Variants in AEBP2 observed in about 807,000 individuals in gnomAD.
The protein encoded by AEBP2 is zinc finger protein AEBP2.
AEBP2 carries 10 observed loss-of-function variants against 50.8 expected under a neutral mutation model. The observed-to-expected ratio is 0.20, with a 90% CI of 0.12 to 0.33. The LOEUF (loss-of-function observed/expected upper bound fraction) is 0.33, where lower values mean the gene tolerates loss of function less well. AEBP2 is among the 10% of genes least tolerant of loss of function. The pLI, the probability that AEBP2 is intolerant of heterozygous loss-of-function variation, is 1.00. For synonymous variants in AEBP2, 296 were observed against 261.3 expected (o/e 1.13, Z -1.28); for missense variants, 570 against 688.0 (o/e 0.83, Z 1.92).
chr12:19,428,587 G>A (rs369557140), intron 1 of AEBP2, among the ~76,000 whole-genome samples: 11 of 152,294 alleles, frequency 7.2e-5, no homozygotes, highest in African/African-American at 2.6e-4. Flanking sequence ...TGAGGTGGGC[G>A]GATCACCTGA....
chr12:19,492,753 G>A (rs1003396257), intron 3 of AEBP2, among the ~76,000 whole-genome samples: 3 of 152,136 alleles, frequency 2.0e-5, no homozygotes, highest in Admixed American at 2.0e-4. Context: ...GATGGTTTGA[G>A]CCCAGGAGTT....
intron 1 of AEBP2, among the ~76,000 whole-genome samples, chr12:19,421,539 T>C (rs1032360051): frequency 6.6e-6 from 1 of 151,690 alleles, no homozygotes; most frequent in Non-Finnish European, 1.5e-5. Flanking sequence ...GGAGAGTCAT[T>C]TGAGCCCAGG....
chr12:19,495,184 T>C (rs1333744540), intron 4 of AEBP2, among the ~76,000 whole-genome samples: 1 of 152,232 alleles, frequency 6.6e-6, no homozygotes, highest in African/African-American at 2.4e-5. Flanking sequence ...ATTACAGGCA[T>C]GAGCCACTGT....
At chr12:19,506,341 C>G (rs1949155980) in intron 5 of AEBP2, among the ~76,000 whole-genome samples, 1 of 151,880 alleles carries the variant, frequency 6.6e-6, no homozygotes, top group Admixed American at 6.6e-5. Flanking sequence ...CTGTAGTGAT[C>G]CACTCACCTT....
intron 1 of AEBP2, among the ~76,000 whole-genome samples, chr12:19,415,860 C>T (rs1312993027): frequency 6.6e-6 from 1 of 152,008 alleles, no homozygotes; most frequent in African/African-American, 2.4e-5. Flanking sequence ...GGATGCCTGA[C>T]CCAACTGATA....
In AEBP2 at chr12:19,439,953, C is replaced by T. The variant is rs1947916749; in HGVS notation, c.254C>T (p.Pro85Leu). The change falls in exon 1 of 8, where the codon CCG becomes CTG. Residue 85 changes from proline (P) to leucine (L), a missense_variant. This residue lies in a region of AEBP2 where 386 missense variants were observed against 336.8 expected (regional missense o/e 1.15). Coordinates refer to ENST00000266508, the MANE Select transcript of AEBP2 (RefSeq NM_153207.5). ...GGCGAGGCAGAGACGATGTCGGAGC[C>T]GAGCCCCGAGAGCGCCAGCCAGGCC... ...GGGEAETMSE[P>L]SPESASQAGE... 2.8e-5 allele frequency: 42 copies of T among 1,514,944 alleles called. No homozygotes were observed. The highest frequency in any genetic ancestry group is 3.6e-5 in the Non-Finnish European group (41 of 1,138,880). The allele number at this position is 1,514,944 out of a possible 1,614,324, so 93.8% of individuals were successfully genotyped here. A position where few individuals can be genotyped will look rare whatever the true frequency, so the allele number is the denominator to read the frequency against.
At chr12:19,464,644 T>C (rs1298520043) in intron 2 of AEBP2, among the ~76,000 whole-genome samples, 1 of 151,936 alleles carries the variant, frequency 6.6e-6, no homozygotes, top group Admixed American at 6.6e-5. Context: ...TGGAGGGTAA[T>C]GGTGCGGTCT....
At chr12:19,478,083 T>G (rs1192669882) in intron 3 of AEBP2, among the ~76,000 whole-genome samples, 2 of 152,236 alleles carry the variant, frequency 1.3e-5, no homozygotes, top group African/African-American at 4.8e-5. Flanking sequence ...CTTCTTTTCT[T>G]GGTTAGTTTC....
chr12:19,499,555 A>C (rs914277693), intron 4 of AEBP2, among the ~76,000 whole-genome samples: 1 of 150,418 alleles, frequency 6.6e-6, no homozygotes, highest in Non-Finnish European at 1.5e-5. Flanking sequence ...CAGAGGTTGC[A>C]GTGAGCTGAG....
intron 3 of AEBP2, among the ~76,000 whole-genome samples, chr12:19,479,400 C>G (rs1454851458): frequency 6.6e-6 from 1 of 152,092 alleles, no homozygotes; most frequent in Admixed American, 6.6e-5. Context: ...GGAAAACTTC[C>G]CTGGCCTTGC....
chr12:19,499,099 G>A (rs1272357133), intron 4 of AEBP2, among the ~76,000 whole-genome samples: 1 of 152,108 alleles, frequency 6.6e-6, no homozygotes, highest in Non-Finnish European at 1.5e-5. Flanking sequence ...ATATGCATTT[G>A]TTTTATTTAA....
intron 1 of AEBP2, among the ~76,000 whole-genome samples, chr12:19,404,989 C>T (rs1473453608): frequency 1.5e-5 from 2 of 132,080 alleles, no homozygotes; most frequent in Non-Finnish European, 3.0e-5. Flanking sequence ...GGCTGGAGTG[C>T]AGTGGCGAGA....
At chr12:19,496,416 C>T (rs1025921173) in intron 4 of AEBP2, among the ~76,000 whole-genome samples, 4 of 152,048 alleles carry the variant, frequency 2.6e-5, no homozygotes, top group Non-Finnish European at 5.9e-5. Flanking sequence ...AAAAAGGATC[C>T]AAGGCCTTTT....
At chr12:19,506,541 A>G (rs934588366) in intron 5 of AEBP2, among the ~76,000 whole-genome samples, 1 of 152,202 alleles carries the variant, frequency 6.6e-6, no homozygotes, top group East Asian at 1.9e-4. Flanking sequence ...GCACCACCAC[A>G]GTTAAGATAG....
chr12:19,514,017 G>T, intron 6 of AEBP2, among the ~76,000 whole-genome samples: 1 of 135,112 alleles, frequency 7.4e-6, no homozygotes. Context: ...GGTTTTTTTT[G>T]GAGAGAGAGT....
At chr12:19,498,921 G>A (rs1215350390) in intron 4 of AEBP2, among the ~76,000 whole-genome samples, 1 of 152,092 alleles carries the variant, frequency 6.6e-6, no homozygotes, top group African/African-American at 2.4e-5. Flanking sequence ...TGAGACAGGA[G>A]GATTACTTGA....
chr12:19,511,721 C>T (rs1002598140), intron 5 of AEBP2, among the ~76,000 whole-genome samples: 1 of 151,964 alleles, frequency 6.6e-6, no homozygotes, highest in Non-Finnish European at 1.5e-5. Context: ...TTGCTGTCCC[C>T]TTTTTGGGCC....
At chr12:19,503,271 G>A (rs1365894330) in intron 5 of AEBP2, among the ~76,000 whole-genome samples, 1 of 151,924 alleles carries the variant, frequency 6.6e-6, no homozygotes, top group Non-Finnish European at 1.5e-5. Context: ...TCTTTTAGCA[G>A]CCTTTTGTAG....
intron 1 of AEBP2, chr12:19,456,466 C>CT: frequency 1.4e-6 from 2 of 1,463,366 alleles, no homozygotes; most frequent in Non-Finnish European, 1.9e-6. Flanking sequence ...AAGTTAGGGC[C>CT]ATCTTCCAGC....
Sources: gnomAD v4.1 joint callset for allele counts (sites outside exome capture counted in the v4.1 genomes callset) on GRCh38, gnomAD v4.1.1 for gene constraint, gnomAD v4.1.1 regional missense constraint, MANE v1.5 for transcripts, NCBI Gene and HGNC (gene_info 2026-07-23, HGNC 2026-07-21) for gene names.